DENND1A: variants seen among roughly 807,000 people sequenced by gnomAD.
DENND1A encodes DENN domain containing 1A.
Under a neutral mutation model 113.7 loss-of-function variants are expected in DENND1A, and 51 were observed. The ratio of observed to expected loss-of-function variants is 0.45; its 90% CI spans 0.36 to 0.57. The LOEUF (loss-of-function observed/expected upper bound fraction) is 0.57. Among genes scored for constraint, DENND1A ranks in the 20% least tolerant of loss-of-function variants. DENND1A has a pLI of 0.00. For synonymous variants in DENND1A, 565 were observed against 570.8 expected (o/e 0.99, Z 0.14); for missense variants, 1,258 against 1,395.9 (o/e 0.90, Z 1.57).
intron 10 of DENND1A, among the ~76,000 whole-genome samples, chr9:123,609,944 T>G (rs1048888453): frequency 7.2e-5 from 11 of 152,208 alleles, no homozygotes; most frequent in African/African-American, 2.4e-4. Flanking sequence ...AAGAAGAATA[T>G]TTTGTATTTG....
intron 13 of DENND1A, among the ~76,000 whole-genome samples, chr9:123,491,008 C>A (rs2051325269): frequency 6.6e-6 from 1 of 152,172 alleles, no homozygotes; most frequent in South Asian, 2.1e-4. Flanking sequence ...TTAGGAGGGA[C>A]AATGATAAAC....
intron 12 of DENND1A, among the ~76,000 whole-genome samples, chr9:123,570,670 A>G (rs1225456541): frequency 6.6e-6 from 1 of 152,224 alleles, no homozygotes; most frequent in Non-Finnish European, 1.5e-5. Context: ...GGTGCTCAGG[A>G]AATGCCTGCT....
At chr9:123,810,430 G>A (rs1836358871) in intron 2 of DENND1A, among the ~76,000 whole-genome samples, 1 of 151,554 alleles carries the variant, frequency 6.6e-6, no homozygotes, top group South Asian at 2.1e-4. Context: ...AGAAAGAAAA[G>A]GCCAGGAATG....
At chr9:123,867,033 A>C (rs557380057) in intron 2 of DENND1A, among the ~76,000 whole-genome samples, 95 of 152,328 alleles carry the variant, frequency 6.2e-4, no homozygotes, top group Non-Finnish European at 9.6e-4. Context: ...GAACATATTA[A>C]AGGTAAGAAA....
chr9:123,434,946 G>A (rs1163665945), intron 19 of DENND1A, among the ~76,000 whole-genome samples: 1 of 152,230 alleles, frequency 6.6e-6, no homozygotes, highest in East Asian at 1.9e-4. Context: ...CTGCACCACA[G>A]CTGTGGCAAA....
intron 2 of DENND1A, among the ~76,000 whole-genome samples, chr9:123,836,727 AG>A: frequency 6.6e-6 from 1 of 152,150 alleles, no homozygotes; most frequent in Middle Eastern, 3.2e-3. Context: ...AAATGTATAC[AG>A]GTATACATTT....
chr9:123,381,016 T>C lies in DENND1A; in HGVS notation c.*416A>G. ...ACCCTGTCACCTGTGTCCGAGGAGG[T>C]GGGCGTGCAGGGCCTGGCTGTGGAG... is the stretch of plus-strand genomic sequence containing the variant. On this transcript the variant is annotated 3_prime_UTR_variant, in exon 24 of 24. Transcript: ENST00000394215. This position sits in a 1 kb window ranked among gnomAD's most constrained non-coding sequence, Gnocchi z 4.7. 5.0e-6 allele frequency: 1 copy of C among 198,424 alleles called. No individual in the cohort carries two copies. Among genetic ancestry groups the C allele is most frequent in the Non-Finnish European group, 1.0e-5 (1 of 97,070 alleles). The allele number at this position is 198,424 out of a possible 1,614,324, so 12.3% of individuals were successfully genotyped here.
At chr9:123,639,527 C>T (rs1308189658) in intron 9 of DENND1A, among the ~76,000 whole-genome samples, 1 of 151,214 alleles carries the variant, frequency 6.6e-6, no homozygotes, top group Non-Finnish European at 1.5e-5. Flanking sequence ...CTGTAATCCC[C>T]AGCACTTTGG....
chr9:123,725,478 CTG>C (rs1313818030), intron 5 of DENND1A, among the ~76,000 whole-genome samples: 16 of 152,234 alleles, frequency 1.1e-4, no homozygotes, highest in Non-Finnish European at 2.9e-5. Flanking sequence ...TGTTTTGTGT[CTG>C]TCTTTATAGG....
intron 22 of DENND1A, 126 bp from the exon 23 acceptor site, chr9:123,384,039 C>A: frequency 7.7e-7 from 1 of 1,291,070 alleles, no homozygotes; most frequent in Non-Finnish European, 1.1e-6. Context: ...AGGAGAGTGT[C>A]CCGGGGTCTC....
At chr9:123,904,551 T>A (rs1852391519) in intron 1 of DENND1A, among the ~76,000 whole-genome samples, 1 of 143,776 alleles carries the variant, frequency 7.0e-6, no homozygotes, top group African/African-American at 2.8e-5. Context: ...AAACCAAGGC[T>A]CGAGAACTAC....
chr9:123,415,915 G>A (rs757951231), intron 19 of DENND1A, among the ~76,000 whole-genome samples: 13 of 152,170 alleles, frequency 8.5e-5, no homozygotes, highest in Non-Finnish European at 1.6e-4. Context: ...AGATGGGGAA[G>A]AGTAGTCTGG....
intron 5 of DENND1A, among the ~76,000 whole-genome samples, chr9:123,688,690 A>G (rs1159974756): frequency 6.6e-6 from 1 of 152,156 alleles, no homozygotes; most frequent in East Asian, 1.9e-4. Context: ...GAGGGCCCCA[A>G]ACACGAGGAG....
intron 12 of DENND1A, among the ~76,000 whole-genome samples, chr9:123,565,453 G>A (rs1315537028): frequency 6.6e-6 from 1 of 152,156 alleles, no homozygotes; most frequent in Admixed American, 6.5e-5. Context: ...ATTAACTGCT[G>A]GGTGTCACAG....
At chr9:123,676,575 T>C (rs1420223700) in intron 6 of DENND1A, 145 bp downstream of exon 6, 3 of 648,618 alleles carry the variant, frequency 4.6e-6, no homozygotes, top group Non-Finnish European at 7.7e-6. Flanking sequence ...GATTTTCTTT[T>C]CCTTCCTATT....
intron 5 of DENND1A, among the ~76,000 whole-genome samples, chr9:123,681,898 G>A (rs2064487426): frequency 6.6e-6 from 1 of 151,248 alleles, no homozygotes; most frequent in Admixed American, 6.6e-5. Context: ...CTGGGGCTGG[G>A]AAATGCTGTG....
intron 13 of DENND1A, among the ~76,000 whole-genome samples, chr9:123,484,736 GT>G (rs1196583846): frequency 6.6e-6 from 1 of 152,162 alleles, no homozygotes; most frequent in African/African-American, 2.4e-5. Context: ...ACATAGTCCT[GT>G]TTCCTCCTAA....
intron 1 of DENND1A, among the ~76,000 whole-genome samples, chr9:123,881,053 C>T (rs1848247198): frequency 6.6e-6 from 1 of 152,048 alleles, no homozygotes; most frequent in Non-Finnish European, 1.5e-5. Context: ...CAGAGAGAAA[C>T]ATGGGCTTTT....
rs1431155887 is a variant in DENND1A, at chr9:123,902,162, CACACACACACAT to C, written c.18-23153_18-23142del. ...TTCAGTCCTGGTTATACTCATGGGT[CACACACACACAT>C]ACACACACACACACACACACACACA... On this transcript the variant is annotated intron_variant, in intron 1 of 23. Coordinates refer to ENST00000394215, the MANE Select transcript of DENND1A (RefSeq NM_001352964.2). 5.6e-3 allele frequency among the ~76,000 whole-genome samples: 751 copies of C among 134,160 alleles called. 5 individuals carry two copies. Among genetic ancestry groups the C allele is most frequent in the African/African-American group, 0.022 (699 of 32,264 alleles). 88.0% of individuals were successfully genotyped at this position (134,160 alleles called of 152,430 possible).
Sources: gnomAD v4.1 joint callset for allele counts (sites outside exome capture counted in the v4.1 genomes callset) on GRCh38, gnomAD v4.1.1 for gene constraint, Gnocchi (gnomAD v3.1) non-coding constraint, MANE v1.5 for transcripts, NCBI Gene and HGNC (gene_info 2026-07-23, HGNC 2026-07-21) for gene names.